The following CTNNA3 variants were observed in gnomAD, a reference collection of about 807,000 sequenced individuals.
CTNNA3 encodes the protein catenin alpha-3.
Under a neutral mutation model 95.7 loss-of-function variants are expected in CTNNA3, and 76 were observed. That is an observed-to-expected ratio of 0.79 (90% CI 0.66 to 0.96). The LOEUF is 0.96. CTNNA3 is among the 40% of genes least tolerant of loss of function. CTNNA3 has a pLI of 0.00. For synonymous variants in CTNNA3, 431 were observed against 374.4 expected, an observed-to-expected ratio of 1.15 and a Z score of -1.74; for missense variants, 1,191 against 1,089.8, an observed-to-expected ratio of 1.09 and a Z score of -1.31.
rs141258347 is a variant in CTNNA3 at position 66,684,897 on chromosome 10, C to T, written c.1282-63113G>A. Among the ~76,000 whole-genome samples the T allele has an allele frequency of 6.1e-5, 7 of 114,276 alleles. No individual in the cohort carries two copies. The East Asian group carries it at 1.4e-3, about 23-fold the overall frequency. The allele number at this position is 114,276 out of a possible 152,430, so 75.0% of individuals were successfully genotyped here. A position where few individuals can be genotyped will look rare whatever the true frequency, so the allele number is the denominator to read the frequency against. On this transcript the variant is annotated intron_variant, in intron 9 of 17. Coordinates refer to ENST00000433211, the MANE Select transcript of CTNNA3 (RefSeq NM_013266.4). ...TTATTAGTAATTATGTAGGAATAAA[C>T]GTGATGATTCTAAAAAAATTATCTT...
At chr10:66,122,493 A>G (rs1281861292) in intron 13 of CTNNA3, among the ~76,000 whole-genome samples, 1 of 152,226 alleles carries the variant, frequency 6.6e-6, no homozygotes, top group African/African-American at 2.4e-5. Context: ...GATGAACCTC[A>G]GAGAAGACCA....
At chr10:67,104,358 C>T (rs544241238) in intron 7 of CTNNA3, among the ~76,000 whole-genome samples, 1 of 151,876 alleles carries the variant, frequency 6.6e-6, no homozygotes. Context: ...TGGAAGCATA[C>T]TACATCAAAA....
intron 1 of CTNNA3, among the ~76,000 whole-genome samples, chr10:67,680,570 C>A (rs1412441461): frequency 1.3e-5 from 2 of 152,182 alleles, no homozygotes; most frequent in African/African-American, 4.8e-5. Flanking sequence ...TTCCCAGCTG[C>A]ATTGTCTTTG....
chr10:66,467,156 T>C (rs1213388158), intron 11 of CTNNA3, among the ~76,000 whole-genome samples: 1 of 152,114 alleles, frequency 6.6e-6, no homozygotes, highest in Non-Finnish European at 1.5e-5. Flanking sequence ...TAACTCCTAC[T>C]TAGAATTTAG....
At chr10:67,043,660 C>T in intron 7 of CTNNA3, among the ~76,000 whole-genome samples, 1 of 152,084 alleles carries the variant, frequency 6.6e-6, no homozygotes, top group Non-Finnish European at 1.5e-5. Context: ...CCAATTCTTG[C>T]AGTAATGCCT....
intron 7 of CTNNA3, among the ~76,000 whole-genome samples, chr10:66,801,073 A>G (rs1260396347): frequency 6.6e-6 from 1 of 151,564 alleles, no homozygotes; most frequent in African/African-American, 2.4e-5. Flanking sequence ...CTGAAAAAAT[A>G]TAGAAAGGAG....
Position 66,520,659 on chromosome 10 carries a change from C to A in CTNNA3, c.1489G>T (p.Val497Leu). 11 of 1,609,682 alleles carry A rather than the reference C, an allele frequency of 6.8e-6. No individual in the cohort carries two copies. The highest frequency in any genetic ancestry group is 9.3e-6 in the Non-Finnish European group (11 of 1,177,506). Residue 497 changes from valine to leucine, a missense_variant, in exon 11 of 18, where the codon GTA becomes TTA. Val to Leu is a conservative substitution (Grantham distance 32, BLOSUM62 1). Transcript: ENST00000433211. ...ENHIHVLTEA[V>L]DDITSIDDFL... ...TCATCAATGCTTGTAATGTCATCTA[C>A]GGCTTCAGTGAGGACATGTATATGA...
chr10:67,412,680 A>G (rs895348805), intron 5 of CTNNA3, among the ~76,000 whole-genome samples: 6 of 152,250 alleles, frequency 3.9e-5, no homozygotes, highest in African/African-American at 1.4e-4. Flanking sequence ...CTTACAAGCC[A>G]GAAGAGATTA....
At chr10:66,621,874 A>G (rs1487425697) in intron 9 of CTNNA3, 90 bp from the exon 10 acceptor site, 2 of 593,970 alleles carry the variant, frequency 3.4e-6, no homozygotes, top group Admixed American at 3.5e-5. Context: ...GTACACATTC[A>G]TCAAGAATCT....
intron 12 of CTNNA3, among the ~76,000 whole-genome samples, chr10:66,358,235 C>G (rs908970843): frequency 4.6e-5 from 7 of 152,162 alleles, no homozygotes; most frequent in Admixed American, 3.9e-4. Flanking sequence ...ATACCCCTAA[C>G]CCCTGCTTAT....
intron 12 of CTNNA3, among the ~76,000 whole-genome samples, chr10:66,375,479 T>G (rs889541403): frequency 6.6e-6 from 1 of 152,114 alleles, no homozygotes; most frequent in Admixed American, 6.5e-5. Flanking sequence ...ATACCTAGTA[T>G]GTAGACTACT....
chr10:66,221,663 T>A (rs2088934976), intron 13 of CTNNA3, among the ~76,000 whole-genome samples: 1 of 152,226 alleles, frequency 6.6e-6, no homozygotes, highest in Non-Finnish European at 1.5e-5. Context: ...ATTGAGAACA[T>A]ACTTCCATTT....
chr10:66,998,344 T>C (rs1851473854), intron 7 of CTNNA3, among the ~76,000 whole-genome samples: 1 of 152,146 alleles, frequency 6.6e-6, no homozygotes, highest in Non-Finnish European at 1.5e-5. Context: ...TAGAACAATA[T>C]TTTTTAAAGC....
At chr10:67,202,921 A>G (rs1280049379) in intron 6 of CTNNA3, among the ~76,000 whole-genome samples, 1 of 152,186 alleles carries the variant, frequency 6.6e-6, no homozygotes, top group Non-Finnish European at 1.5e-5. Flanking sequence ...AATTTTAACC[A>G]ACATTCTTTA....
chr10:66,080,384 A>T (rs1250088417), intron 14 of CTNNA3, among the ~76,000 whole-genome samples: 2 of 152,152 alleles, frequency 1.3e-5, no homozygotes, highest in Non-Finnish European at 2.9e-5. Flanking sequence ...GTAACCCAAC[A>T]TTGTAAAATT....
intron 3 of CTNNA3, among the ~76,000 whole-genome samples, chr10:67,557,563 C>T (rs1190022899): frequency 2.0e-5 from 3 of 152,160 alleles, no homozygotes; most frequent in African/African-American, 7.2e-5. Context: ...TCTGATTTTA[C>T]ATCTTAGCTT....
chr10:66,280,704 G>A, intron 12 of CTNNA3, 83 bp from the exon 13 acceptor site: 1 of 1,066,970 alleles, frequency 9.4e-7, no homozygotes. Context: ...TGTAGAATTT[G>A]GTTTTAAACA....
chr10:66,016,469 G>A (rs10996826), intron 15 of CTNNA3, among the ~76,000 whole-genome samples: 79,750 of 151,972 alleles, frequency 0.52, 20,980 homozygotes, highest in Admixed American at 0.57. Context: ...CTATCCCAGA[G>A]AAGAGTCTCT....
At chr10:66,600,978 T>C (rs943224047) in intron 10 of CTNNA3, among the ~76,000 whole-genome samples, 4 of 151,888 alleles carry the variant, frequency 2.6e-5, no homozygotes, top group Admixed American at 6.6e-5. Context: ...AGTGTTCAAA[T>C]CCTAAAGCAT....
Sources: allele counts gnomAD v4.1 joint callset (sites outside exome capture counted in the v4.1 genomes callset), GRCh38; gene constraint gnomAD v4.1.1; transcripts MANE v1.5; gene names NCBI Gene and HGNC (gene_info 2026-07-23, HGNC 2026-07-21).